UBN2: variants seen among roughly 807,000 people sequenced by gnomAD.
UBN2 encodes the protein ubinuclein-2.
In UBN2, 35 loss-of-function variants were observed where a neutral mutation model predicts 120.2. That is an observed-to-expected ratio of 0.29 (90% CI 0.22 to 0.39). The LOEUF is 0.39. Among genes scored for constraint, UBN2 ranks in the 10% least tolerant of loss-of-function variants. The probability of loss-of-function intolerance (pLI) is 1.00; values close to 1 mark genes in which losing one functional copy is unlikely to be tolerated. For missense variants in UBN2, 1,693 were observed against 1,663.2 expected (o/e 1.02, Z -0.31); for synonymous variants, 661 against 648.7 (o/e 1.02, Z -0.29).
rs764841119 is a variant in UBN2, at chr7:139,252,008, T to G, written c.614T>G (p.Ile205Arg). ...GATCGGCTACAAGATTTAATTGATA[T>G]AGGCTTTGGCTATGATGAGACAGAT... Reference protein sequence around the residue: ...RKDRLQDLIDIGFGYDETDPF... With the variant: ...RKDRLQDLIDRGFGYDETDPF... Residue 205 changes from isoleucine to arginine, a missense_variant, in exon 3 of 18, where the codon ATA (isoleucine) becomes AGA (arginine). Physicochemically the swap from Ile to Arg is moderately conservative, Grantham distance 97. Transcript: ENST00000473989. 1 of 1,614,158 alleles carries G rather than the reference T, an allele frequency of 6.2e-7. No individual in the cohort carries two copies. The highest frequency in any genetic ancestry group is 8.5e-7 in the Non-Finnish European group (1 of 1,180,006).
chr7:139,276,045 G>A (rs1253307430), intron 11 of UBN2, 52 bp from the exon 12 acceptor site: 2 of 1,394,226 alleles, frequency 1.4e-6, no homozygotes, highest in African/African-American at 2.9e-5. Flanking sequence ...AAACAATTAT[G>A]TTACTATCTG....
downstream of UBN2, among the ~76,000 whole-genome samples, chr7:139,312,979 T>C (rs1563237355): frequency 6.6e-6 from 1 of 152,194 alleles, no homozygotes. Context: ...ATTTTTGGGC[T>C]CTGTTCCATT....
chr7:139,253,524 T>C (rs1796676304), intron 3 of UBN2, among the ~76,000 whole-genome samples: 2 of 152,242 alleles, frequency 1.3e-5, no homozygotes, highest in Admixed American at 6.5e-5. Flanking sequence ...ATCTGTTCAA[T>C]TCTTTATTGC....
chr7:139,258,643 T>C lies in UBN2; in HGVS notation c.801+18T>C. On this transcript the variant is annotated intron_variant, in intron 4 of 17. Transcript: ENST00000473989. ...CACCCAAGGTGAGTTTATCAAACAT[T>C]GCAACAGTACTGAGAATGTTCAATT... 6.3e-7 allele frequency: 1 copy of C among 1,577,684 alleles called. No homozygotes were observed. Among genetic ancestry groups the C allele is most frequent in the Non-Finnish European group, 8.6e-7 (1 of 1,160,706 alleles).
chr7:139,259,433 A>C, intron 5 of UBN2, 63 bp downstream of exon 5: 1 of 1,586,340 alleles, frequency 6.3e-7, no homozygotes, highest in African/African-American at 1.4e-5. Context: ...TCCCTTTAGA[A>C]AGATATACTT....
At chr7:139,320,003 G>A in the UBN2 span, among the ~76,000 whole-genome samples, 2 of 151,594 alleles carry the variant, frequency 1.3e-5, no homozygotes, top group South Asian at 4.2e-4. Context: ...GTGAACCCAG[G>A]AGGCAGAGCT....
chr7:139,325,049 T>C, the UBN2 span, among the ~76,000 whole-genome samples: 1 of 152,192 alleles, frequency 6.6e-6, no homozygotes, highest in African/African-American at 2.4e-5. Flanking sequence ...TCATAATCTT[T>C]CTTTACTGAG....
chr7:139,291,887 A>G (rs1415651185), intron 15 of UBN2, among the ~76,000 whole-genome samples: 1 of 152,118 alleles, frequency 6.6e-6, no homozygotes, highest in Non-Finnish European at 1.5e-5. Context: ...TTTTAAATAA[A>G]AAAGTCAAAA....
chr7:139,316,787 A>T, the UBN2 span, among the ~76,000 whole-genome samples: 1 of 152,016 alleles, frequency 6.6e-6, no homozygotes, highest in South Asian at 2.1e-4. Flanking sequence ...GTGTATATAT[A>T]TATAATTTCA....
chr7:139,235,841 T>C (rs926866472), intron 1 of UBN2, among the ~76,000 whole-genome samples: 1 of 152,224 alleles, frequency 6.6e-6, no homozygotes, highest in Non-Finnish European at 1.5e-5. Flanking sequence ...TGTGAGGAAT[T>C]GTCTCGTATT....
At chr7:139,272,777 T>G (rs886305770) in intron 9 of UBN2, among the ~76,000 whole-genome samples, 20 of 152,316 alleles carry the variant, frequency 1.3e-4, no homozygotes, top group African/African-American at 4.6e-4. Context: ...TCCAGCTGCC[T>G]CAGCCTCCCA....
rs1377923090 is a variant in UBN2 at position 139,299,208 on chromosome 7, G to GT, written c.*1378dup. 1 of 152,026 alleles carries GT rather than the reference G, an allele frequency of 6.6e-6. No individual in the cohort carries two copies. Among genetic ancestry groups the GT allele is most frequent in the Non-Finnish European group, 1.5e-5 (1 of 67,982 alleles). The allele number at this position is 152,026 out of a possible 1,614,324, so 9.4% of individuals were successfully genotyped here. ...TGGGTTTTTTTGCCGCATTATTCTA[G>GT]TTTTTTAAGCTTCTGAATATTTTCA... On this transcript the variant is annotated 3_prime_UTR_variant, in exon 18 of 18. Transcript: ENST00000473989.
At position 139,252,000 on chromosome 7, in the gene UBN2, A is replaced by C. The variant is rs1057359485; in HGVS notation, c.606A>C (p.Leu202Phe). 13 of 1,614,030 alleles carry C rather than the reference A, an allele frequency of 8.1e-6. No individual in the cohort carries two copies. In the African/African-American group the frequency reaches 1.7e-4, roughly 22 times the overall value. The change falls in exon 3 of 18, where the codon TTA becomes TTC. Residue 202 changes from leucine (L) to phenylalanine (F), a missense_variant. Physicochemically the swap from Leu to Phe is conservative, Grantham distance 22. This residue lies in a region of UBN2 where 663 missense variants were observed against 591.2 expected (regional missense o/e 1.12). Transcript: ENST00000473989. ...ACCGGAAGGATCGGCTACAAGATTT[A>C]ATTGATATAGGCTTTGGCTATGATG... ...RKHRKDRLQD[L>F]IDIGFGYDET...
chr7:139,256,963 A>C (rs1368249519), intron 3 of UBN2, among the ~76,000 whole-genome samples: 1 of 152,238 alleles, frequency 6.6e-6, no homozygotes, highest in African/African-American at 2.4e-5. Context: ...TTATATTCTT[A>C]CAGTAACTAA....
intron 15 of UBN2, among the ~76,000 whole-genome samples, chr7:139,285,924 T>TTTA (rs1174585772): frequency 5.3e-5 from 8 of 151,650 alleles, no homozygotes; most frequent in Non-Finnish European, 7.4e-5. Context: ...TGTATATTTA[T>TTTA]TTATTATTAT....
At chr7:139,239,848 G>A (rs754710246) in intron 2 of UBN2, among the ~76,000 whole-genome samples, 3 of 152,082 alleles carry the variant, frequency 2.0e-5, no homozygotes, top group Non-Finnish European at 2.9e-5. Context: ...GAGCCACTGC[G>A]CCCAGCCTAG....
chr7:139,272,248 T>C (rs1178860456), intron 8 of UBN2, 74 bp from the exon 9 acceptor site: 6 of 1,048,728 alleles, frequency 5.7e-6, no homozygotes, highest in Non-Finnish European at 8.4e-6. Flanking sequence ...ACATAAATTT[T>C]ATCTTTTGAG....
rs1256896411 is a variant in UBN2 at position 139,301,978 on chromosome 7, T to C, written c.*4142T>C. On this transcript the variant is annotated 3_prime_UTR_variant, in exon 18 of 18. Transcript: ENST00000473989. ...GTTATGCAATTTTATTTTATAAAAT[T>C]TTAAGGGGAAAAGTTTAACTCTTTG... is the stretch of plus-strand genomic sequence containing the variant. The C allele has an allele frequency of 6.6e-6, 1 of 152,198 alleles. No homozygotes were observed. Among genetic ancestry groups the C allele is most frequent in the Non-Finnish European group, 1.5e-5 (1 of 68,042 alleles). The allele number at this position is 152,198 out of a possible 1,614,324, so 9.4% of individuals were successfully genotyped here.
At chr7:139,320,573 G>A in the UBN2 span, among the ~76,000 whole-genome samples, 1 of 151,444 alleles carries the variant, frequency 6.6e-6, no homozygotes, top group Non-Finnish European at 1.5e-5. Context: ...CAAAGTGCTG[G>A]GATTGTAGTT....
Sources: gnomAD v4.1 joint callset for allele counts (sites outside exome capture counted in the v4.1 genomes callset) on GRCh38, gnomAD v4.1.1 for gene constraint, gnomAD v4.1.1 regional missense constraint, MANE v1.5 for transcripts, NCBI Gene and HGNC (gene_info 2026-07-23, HGNC 2026-07-21) for gene names.